Variants in CDH4 observed in about 807,000 individuals in gnomAD.
The protein encoded by CDH4 is cadherin 4, also known as cadherin-4.
Under a neutral mutation model 86.0 loss-of-function variants are expected in CDH4, and 33 were observed. The ratio of observed to expected loss-of-function variants is 0.38; its 90% CI spans 0.29 to 0.51. CDH4 has a LOEUF of 0.51. Among genes scored for constraint, CDH4 ranks in the 20% least tolerant of loss-of-function variants. The probability of loss-of-function intolerance (pLI) is 0.86; values close to 1 mark genes in which losing one functional copy is unlikely to be tolerated. For missense variants in CDH4, 1,114 were observed against 1,307.4 expected (o/e 0.85, Z 2.28); for synonymous variants, 555 against 549.4 (o/e 1.01, Z -0.14).
chr20:61,931,546 T>C (rs1257551000), intron 13 of CDH4, among the ~76,000 whole-genome samples: 1 of 152,196 alleles, frequency 6.6e-6, no homozygotes, highest in Non-Finnish European at 1.5e-5. Context: ...CCCTCTGCGG[T>C]ACATAAGAGT....
In CDH4 at chr20:61,292,993, C is replaced by T. The variant is rs370710454; in HGVS notation, c.169+38056C>T. 8.5e-5 allele frequency among the ~76,000 whole-genome samples: 13 copies of T among 152,252 alleles called. No homozygotes were observed. The East Asian group carries it at 1.8e-3, about 21-fold the overall frequency. The stretch of plus-strand genomic sequence containing the variant: ...TGAGTCTGTGTGCTGCCGGGGTCTG[C>T]GGCGACCTGCCTAGGGGCCTGGCTG... On this transcript the variant is annotated intron_variant, in intron 2 of 15. Transcript: ENST00000614565.
chr20:61,844,840 G>A lies in CDH4; in HGVS notation c.732+17G>A, dbSNP rs765911762. 1.6e-5 allele frequency: 25 copies of A among 1,601,316 alleles called. 1 individual carries two copies. The South Asian group carries it at 1.8e-4, about 11-fold the overall frequency. ...TCTTACCACGTGAGTGTCCACACCC[G>A]GCTGAGAATGGGGCCCTGGGGTGGC... On this transcript the variant is annotated intron_variant, in intron 5 of 15. Transcript: ENST00000614565.
chr20:61,341,520 T>C (rs1405485661), intron 2 of CDH4, among the ~76,000 whole-genome samples: 1 of 142,144 alleles, frequency 7.0e-6, no homozygotes, highest in Non-Finnish European at 1.5e-5. Context: ...ATATACTTTT[T>C]TTTCTTTTTT....
intron 2 of CDH4, among the ~76,000 whole-genome samples, chr20:61,707,404 A>G (rs1049763262): frequency 6.6e-6 from 1 of 152,216 alleles, no homozygotes; most frequent in African/African-American, 2.4e-5. Context: ...AGGACATCTT[A>G]AACCAAGGCC....
chr20:61,604,428 A>T (rs1431796277), intron 2 of CDH4, among the ~76,000 whole-genome samples: 1 of 152,216 alleles, frequency 6.6e-6, no homozygotes, highest in Non-Finnish European at 1.5e-5. Context: ...TCCAAATGGG[A>T]ACATACCTGG....
intron 2 of CDH4, chr20:61,570,696 T>C: frequency 1.4e-6 from 1 of 702,396 alleles, no homozygotes; most frequent in Non-Finnish European, 2.6e-6. Flanking sequence ...AGGAAAGCGA[T>C]GCCAAAGTCA....
intron 2 of CDH4, among the ~76,000 whole-genome samples, chr20:61,691,182 G>T (rs1380927922): frequency 5.3e-5 from 8 of 151,996 alleles, no homozygotes; most frequent in Non-Finnish European, 1.0e-4. Context: ...CACTGACTCT[G>T]CCCTGAGACT....
intron 2 of CDH4, among the ~76,000 whole-genome samples, chr20:61,484,173 A>G (rs2085583505): frequency 6.6e-6 from 1 of 152,066 alleles, no homozygotes; most frequent in Non-Finnish European, 1.5e-5. Flanking sequence ...CTGAGGTCCC[A>G]ACACCCACAC....
intron 2 of CDH4, among the ~76,000 whole-genome samples, chr20:61,354,159 C>T (rs1372884953): frequency 6.6e-6 from 1 of 151,936 alleles, no homozygotes; most frequent in Non-Finnish European, 1.5e-5. Flanking sequence ...GACCGTCCTA[C>T]AGTGCTTAGG....
At position 61,923,697 on chromosome 20, in the gene CDH4, G is replaced by A; in HGVS notation, c.1621G>A (p.Ala541Thr). 1 of 1,613,232 alleles carries A rather than the reference G, an allele frequency of 6.2e-7. No homozygotes were observed. The highest frequency in any genetic ancestry group is 8.5e-7 in the Non-Finnish European group (1 of 1,180,010). Residue 541 changes from alanine (A) to threonine (T), a missense_variant, in exon 10 of 16, where the codon GCT becomes ACT. Around this residue, in one of 3 missense-constraint regions of CDH4, gnomAD observed 705 missense variants for 914.1 expected, o/e 0.77. Coordinates refer to ENST00000614565, the MANE Select transcript of CDH4 (RefSeq NM_001794.5). The part of the protein sequence containing the change: ...AVDPDRFMQQ[A>T]VRYSKLSDPA... ...GGACCCTGACCGGTTCATGCAGCAG[G>A]CTGTGAGGTGGGTGCACAGGACATG...
chr20:61,377,367 G>A lies in CDH4; in HGVS notation c.169+122430G>A, dbSNP rs766967927. On this transcript the variant is annotated intron_variant, in intron 2 of 15. Transcript: ENST00000614565. This position sits in a 1 kb window ranked among gnomAD's most constrained non-coding sequence, Gnocchi z 4.0. ...TTCCATGTCTAAGTGCCCATCGGAC[G>A]GTTGAGTTGTGTGGTCCAGGGCTCT... 9.2e-5 allele frequency among the ~76,000 whole-genome samples: 14 copies of A among 152,070 alleles called. No individual in the cohort carries two copies. The highest frequency in any genetic ancestry group is 1.3e-4 in the Non-Finnish European group (9 of 68,020).
rs1984180643 is a variant in CDH4, at chr20:61,879,290, C to T, written c.1050+5390C>T. Among the ~76,000 whole-genome samples, 1 of 152,230 alleles carries T rather than the reference C, an allele frequency of 6.6e-6. No individual in the cohort carries two copies. The highest frequency in any genetic ancestry group is 2.1e-4 in the South Asian group (1 of 4,836). On this transcript the variant is annotated intron_variant, in intron 7 of 15. Coordinates refer to ENST00000614565, the MANE Select transcript of CDH4 (RefSeq NM_001794.5). The surrounding 1 kb of genome is among the most constrained non-coding windows in gnomAD (Gnocchi z 4.1). ...AAGAGCACACATCGGGACCATTTCT[C>T]CACCAGCCCAGCTTGCCTTGCATCG...
chr20:61,656,622 G>A (rs1017881715), intron 2 of CDH4, among the ~76,000 whole-genome samples: 1 of 152,148 alleles, frequency 6.6e-6, no homozygotes, highest in African/African-American at 2.4e-5. Context: ...GGGCCTCTGG[G>A]CTCCACAGCC....
At chr20:61,443,329 T>A (rs150279511) in intron 2 of CDH4, among the ~76,000 whole-genome samples, 1 of 152,318 alleles carries the variant, frequency 6.6e-6, no homozygotes, top group African/African-American at 2.4e-5. Flanking sequence ...ATTTTAGGGA[T>A]CATCACACAT....
intron 2 of CDH4, chr20:61,436,509 CAG>C (rs1218358821): frequency 1.3e-5 from 2 of 152,226 alleles, no homozygotes; most frequent in African/African-American, 4.8e-5. Flanking sequence ...ATAAAGGAAA[CAG>C]AACGCATAGG....
chr20:61,450,419 T>C lies in CDH4; in HGVS notation c.169+195482T>C, dbSNP rs536273157. On this transcript the variant is annotated intron_variant, in intron 2 of 15. Transcript: ENST00000614565. ...GTTCTCCATGCCTTTTTAAGTCTGT[T>C]TTCACAGCAGTGGGGGCTGAGATGC... 6.6e-5 allele frequency among the ~76,000 whole-genome samples: 10 copies of C among 152,298 alleles called. No individual in the cohort carries two copies. The South Asian group carries it at 2.1e-3, about 32-fold the overall frequency.
rs111775629 is a variant in CDH4 at position 61,413,649 on chromosome 20, C to T, written c.169+158712C>T. On this transcript the variant is annotated intron_variant, in intron 2 of 15. Coordinates refer to ENST00000614565, the MANE Select transcript of CDH4 (RefSeq NM_001794.5). ...CTGCCTGGCCATGGCCTGGCGCTGG[C>T]GGTTGGATGGGCCTTGCACATAGTA... 1.3e-4 allele frequency among the ~76,000 whole-genome samples: 20 copies of T among 152,304 alleles called. No individual in the cohort carries two copies. The East Asian group carries it at 1.7e-3, about 13-fold the overall frequency.
intron 2 of CDH4, among the ~76,000 whole-genome samples, chr20:61,492,985 G>A (rs2085636700): frequency 6.6e-6 from 1 of 152,216 alleles, no homozygotes; most frequent in South Asian, 2.1e-4. Context: ...TGTCGTGCCT[G>A]TCAGCCTGGG....
At chr20:61,927,752 C>A (rs2055060039) in intron 11 of CDH4, among the ~76,000 whole-genome samples, 1 of 152,366 alleles carries the variant, frequency 6.6e-6, no homozygotes, top group East Asian at 1.9e-4. Flanking sequence ...AGTGAGTCCC[C>A]GGTGCGTGGC....
Sources: gnomAD v4.1 joint callset for allele counts (sites outside exome capture counted in the v4.1 genomes callset) on GRCh38, gnomAD v4.1.1 for gene constraint, gnomAD v4.1.1 regional missense constraint, Gnocchi (gnomAD v3.1) non-coding constraint, MANE v1.5 for transcripts, NCBI Gene and HGNC (gene_info 2026-07-23, HGNC 2026-07-21) for gene names.